The following SLC44A2 variants were observed in gnomAD, a reference collection of about 807,000 sequenced individuals.
SLC44A2 encodes the protein solute carrier family 44 member 2 (CTL2 blood group), also known as choline transporter-like protein 2.
In SLC44A2, 57 loss-of-function variants were observed where a neutral mutation model predicts 90.8. The ratio of observed to expected loss-of-function variants is 0.63; its 90% CI spans 0.51 to 0.78. The LOEUF (loss-of-function observed/expected upper bound fraction) is 0.78. Ranked by LOEUF, SLC44A2 falls within the 30% of genes least tolerant of loss-of-function variation. The probability of loss-of-function intolerance (pLI) is 0.00; values close to 1 mark genes in which losing one functional copy is unlikely to be tolerated. For synonymous variants in SLC44A2, 355 were observed against 360.7 expected, an observed-to-expected ratio of 0.98 and a Z score of 0.18; for missense variants, 794 against 919.7, an observed-to-expected ratio of 0.86 and a Z score of 1.77.
At chr19:10,639,186 G>C (rs972414606) in intron 20 of SLC44A2, among the ~76,000 whole-genome samples, 1 of 152,106 alleles carries the variant, frequency 6.6e-6, no homozygotes, top group Non-Finnish European at 1.5e-5. Flanking sequence ...CGCCCGCCTC[G>C]GGCTCGCAGA....
At chr19:10,613,331 C>T (rs756733509) in intron 1 of SLC44A2, among the ~76,000 whole-genome samples, 1 of 151,808 alleles carries the variant, frequency 6.6e-6, no homozygotes, top group Non-Finnish European at 1.5e-5. Context: ...CTTGCCACAA[C>T]CTCTGCCTCC....
At chr19:10,622,123 C>T (rs1490826653), upstream of SLC44A2, among the ~76,000 whole-genome samples, 1 of 152,208 alleles carries the variant, frequency 6.6e-6, no homozygotes, top group Non-Finnish European at 1.5e-5. Flanking sequence ...GAGAGAAGAG[C>T]ATTCTAAGCA....
At chr19:10,612,158 A>T (rs1918320904) in intron 1 of SLC44A2, among the ~76,000 whole-genome samples, 1 of 152,092 alleles carries the variant, frequency 6.6e-6, no homozygotes, top group Admixed American at 6.6e-5. Context: ...ACTTGAGCCC[A>T]GGAATTTTAT....
chr19:10,637,614 C>T lies in SLC44A2; in HGVS notation c.1592-30C>T, dbSNP rs370344485. The stretch of plus-strand genomic sequence containing the variant: ...CTTCCAAGTCAGGCTGGTGTCCCCT[C>T]ACTTCCACATCCCTTCCCTTCTCTT... On this transcript the variant is annotated intron_variant, in intron 16 of 21. Transcript: ENST00000335757. 7.1e-5 allele frequency: 113 copies of T among 1,598,104 alleles called. No homozygotes were observed. The African/African-American group carries it at 1.3e-3, about 19-fold the overall frequency.
chr19:10,616,403 G>GT (rs1238477008), intron 1 of SLC44A2, among the ~76,000 whole-genome samples: 2 of 151,420 alleles, frequency 1.3e-5, no homozygotes, highest in Non-Finnish European at 3.0e-5. Flanking sequence ...GTTAATTTTT[G>GT]TTTTTTTGTT....
At chr19:10,618,521 C>T (rs1202550127) in intron 1 of SLC44A2, among the ~76,000 whole-genome samples, 2 of 135,244 alleles carry the variant, frequency 1.5e-5, no homozygotes, top group Non-Finnish European at 3.1e-5. Flanking sequence ...GCTCTGTTGC[C>T]CAGGCTGGAG....
Position 10,636,412 on chromosome 19 carries a change from C to T in SLC44A2, c.1323C>T (p.Ala441=). Residue 441 remains alanine, a synonymous_variant, in exon 15 of 22, where the codon GCC becomes GCT. Transcript: ENST00000335757. The part of the protein sequence containing the change: ...FYGGESGYHR[A]LLGLQIFNAF... ...GTGGTGAGTCGGGCTACCACCGGGC[C>T]CTGCTGGGCCTGCAGATCTTCAATG... is the stretch of plus-strand genomic sequence containing the variant. 4 of 1,614,102 alleles carry T rather than the reference C, an allele frequency of 2.5e-6. No homozygotes were observed. Among genetic ancestry groups the T allele is most frequent in the Non-Finnish European group, 2.5e-6 (3 of 1,180,022 alleles).
At chr19:10,613,233 T>A (rs1312868580) in intron 1 of SLC44A2, among the ~76,000 whole-genome samples, 1 of 151,246 alleles carries the variant, frequency 6.6e-6, no homozygotes, top group East Asian at 1.9e-4. Context: ...AATATAGTTA[T>A]TTTTTACTTT....
chr19:10,633,186 A>G (rs924625104), intron 10 of SLC44A2, among the ~76,000 whole-genome samples: 12 of 151,350 alleles, frequency 7.9e-5, no homozygotes, highest in Non-Finnish European at 1.8e-4. Context: ...TGTTGTTGAG[A>G]CGGAGTCTTG....
chr19:10,632,029 T>A lies in SLC44A2; in HGVS notation c.711-15T>A. ...TGAGGGTGGAGTCTGTTCATGACCG[T>A]TTTCTTTTCCCCAGAGGCCTGGTCA... On this transcript the variant is annotated splice_polypyrimidine_tract_variant and intron_variant, in intron 9 of 21. Coordinates refer to ENST00000335757, the MANE Select transcript of SLC44A2 (RefSeq NM_020428.4). 1 of 1,613,942 alleles carries A rather than the reference T, an allele frequency of 6.2e-7. No individual in the cohort carries two copies. Among genetic ancestry groups the A allele is most frequent in the African/African-American group, 1.3e-5 (1 of 75,024 alleles).
At chr19:10,610,615 G>C (rs1918268214) in intron 1 of SLC44A2, among the ~76,000 whole-genome samples, 1 of 139,544 alleles carries the variant, frequency 7.2e-6, no homozygotes, top group Non-Finnish European at 1.5e-5. Context: ...TTACAGTCGT[G>C]AGCCACCGCG....
At chr19:10,616,906 C>G (rs1009633429) in intron 1 of SLC44A2, among the ~76,000 whole-genome samples, 1 of 151,436 alleles carries the variant, frequency 6.6e-6, no homozygotes, top group Non-Finnish European at 1.5e-5. Flanking sequence ...CCACGCCCAG[C>G]TTGTTCTTCT....
chr19:10,637,248 A>C (rs2067067446), intron 16 of SLC44A2: 1 of 241,752 alleles, frequency 4.1e-6, no homozygotes, highest in African/African-American at 2.3e-5. Flanking sequence ...GCTACACGGG[A>C]GGCTGAGACA....
At chr19:10,625,473 C>T, upstream of SLC44A2, 1 of 1,218,196 alleles carries the variant, frequency 8.2e-7, no homozygotes, top group Non-Finnish European at 1.0e-6. Context: ...TGGGCAGCTG[C>T]CCAGCTCGGG....
chr19:10,635,347 A>C (rs929842652), intron 13 of SLC44A2, 84 bp from the exon 14 acceptor site: 2 of 1,606,208 alleles, frequency 1.2e-6, no homozygotes, highest in Non-Finnish European at 1.7e-6. Context: ...ATAGGGCTGG[A>C]AACTGGTGGG....
At chr19:10,608,904 G>T (rs773289962) in intron 1 of SLC44A2, among the ~76,000 whole-genome samples, 1 of 150,498 alleles carries the variant, frequency 6.6e-6, no homozygotes, top group Non-Finnish European at 1.5e-5. Flanking sequence ...ACGTGCTTCA[G>T]CCTGCCAGAG....
upstream of SLC44A2, among the ~76,000 whole-genome samples, chr19:10,624,799 G>C (rs940603286): frequency 6.6e-6 from 1 of 152,178 alleles, no homozygotes; most frequent in Non-Finnish European, 1.5e-5. Flanking sequence ...CACTGTATGC[G>C]GTGCCCCGCC....
chr19:10,643,086 G>T (rs2067136069), intron 21 of SLC44A2, 193 bp from the exon 22 acceptor site: 29 of 1,456,716 alleles, frequency 2.0e-5, no homozygotes, highest in Non-Finnish European at 2.2e-5. Flanking sequence ...GAAGCGGGGG[G>T]GTTCCTGGCC....
chr19:10,635,096 G>A (rs1220017410), intron 12 of SLC44A2, 23 bp downstream of exon 12: 1 of 1,613,840 alleles, frequency 6.2e-7, no homozygotes, highest in Non-Finnish European at 8.5e-7. Flanking sequence ...GGTGCCAGGG[G>A]CCAGGATGGA....
Sources: allele counts gnomAD v4.1 joint callset (sites outside exome capture counted in the v4.1 genomes callset), GRCh38; gene constraint gnomAD v4.1.1; transcripts MANE v1.5; gene names NCBI Gene and HGNC (gene_info 2026-07-23, HGNC 2026-07-21).